The following MICU1 variants were observed in gnomAD, a reference collection of about 807,000 sequenced individuals.
The protein encoded by MICU1 is mitochondrial calcium uptake 1.
In MICU1, 45 loss-of-function variants were observed where a neutral mutation model predicts 56.8. The ratio of observed to expected loss-of-function variants is 0.79; its 90% confidence interval spans 0.62 to 1.02. MICU1 has a LOEUF of 1.02. Among genes scored for constraint, MICU1 ranks in the 50% least tolerant of loss-of-function variants. MICU1 has a pLI of 0.00. For synonymous variants in MICU1, 186 were observed against 195.1 expected, an observed-to-expected ratio of 0.95 and a Z score of 0.39; for missense variants, 504 against 587.1, an observed-to-expected ratio of 0.86 and a Z score of 1.46.
chr10:72,481,380 C>G (rs1474313964), intron 6 of MICU1, among the ~76,000 whole-genome samples: 1 of 152,002 alleles, frequency 6.6e-6, no homozygotes, highest in Non-Finnish European at 1.5e-5. Context: ...TAGAAAGGTT[C>G]TGAAAGAGGA....
intron 3 of MICU1, among the ~76,000 whole-genome samples, chr10:72,553,583 C>T (rs1262399210): frequency 2.6e-5 from 4 of 152,148 alleles, no homozygotes; most frequent in Admixed American, 2.0e-4. Flanking sequence ...CTCTGAACAA[C>T]AACAACAAAA....
At chr10:72,385,678 C>G (rs376976385) in intron 10 of MICU1, among the ~76,000 whole-genome samples, 3 of 152,144 alleles carry the variant, frequency 2.0e-5, no homozygotes, top group African/African-American at 7.2e-5. Flanking sequence ...ACGTGCCCCC[C>G]GCCCAGTATT....
intron 10 of MICU1, among the ~76,000 whole-genome samples, chr10:72,381,852 C>T (rs973008341): frequency 1.3e-5 from 2 of 151,944 alleles, no homozygotes; most frequent in Non-Finnish European, 2.9e-5. Context: ...CACATCTTTT[C>T]CACAAAGGGC....
At chr10:72,465,309 G>GTTT (rs58604429) in intron 8 of MICU1, among the ~76,000 whole-genome samples, 11 of 121,942 alleles carry the variant, frequency 9.0e-5, no homozygotes, top group East Asian at 3.0e-4. Context: ...ATAGTTTTTT[G>GTTT]TTTTTTTTTT....
chr10:72,555,240 A>G (rs1343627978), intron 3 of MICU1, among the ~76,000 whole-genome samples: 1 of 152,192 alleles, frequency 6.6e-6, no homozygotes, highest in Non-Finnish European at 1.5e-5. Context: ...GATCATTTTA[A>G]AATCTTGTGT....
At chr10:72,555,989 A>G (rs1840149468) in intron 3 of MICU1, among the ~76,000 whole-genome samples, 2 of 152,246 alleles carry the variant, frequency 1.3e-5, no homozygotes, top group Admixed American at 1.3e-4. Flanking sequence ...TGCAAGTGAC[A>G]GTAAATCCCT....
At chr10:72,556,333 T>A (rs1840158327) in intron 3 of MICU1, among the ~76,000 whole-genome samples, 1 of 152,180 alleles carries the variant, frequency 6.6e-6, no homozygotes, top group African/African-American at 2.4e-5. Flanking sequence ...TAAATTCCAA[T>A]ATTAACATTC....
At chr10:72,595,412 A>G (rs1393041686) in intron 1 of MICU1, among the ~76,000 whole-genome samples, 2 of 147,704 alleles carry the variant, frequency 1.4e-5, no homozygotes, top group Non-Finnish European at 1.5e-5. Context: ...AGATCGCATC[A>G]CTGCACTCCA....
intron 6 of MICU1, among the ~76,000 whole-genome samples, chr10:72,488,306 A>G (rs1303201088): frequency 2.6e-5 from 4 of 151,984 alleles, no homozygotes; most frequent in Non-Finnish European, 5.9e-5. Context: ...CTTCTGTAAT[A>G]TGGAAAAGAA....
intron 8 of MICU1, among the ~76,000 whole-genome samples, chr10:72,425,633 C>A (rs1425282070): frequency 6.6e-6 from 1 of 152,154 alleles, no homozygotes; most frequent in Non-Finnish European, 1.5e-5. Context: ...CGTATGGCCA[C>A]TTCGACGCTT....
At chr10:72,440,339 T>C (rs1303277160) in intron 8 of MICU1, among the ~76,000 whole-genome samples, 1 of 152,206 alleles carries the variant, frequency 6.6e-6, no homozygotes, top group African/African-American at 2.4e-5. Flanking sequence ...GAAAACTGGC[T>C]AGCCATATGT....
chr10:72,417,047 G>A (rs1864004265), intron 9 of MICU1, among the ~76,000 whole-genome samples: 2 of 152,194 alleles, frequency 1.3e-5, no homozygotes, highest in Admixed American at 6.6e-5. Flanking sequence ...TTAGAAGACT[G>A]CTTGGCACAT....
At chr10:72,472,071 A>C (rs554503040) in intron 8 of MICU1, among the ~76,000 whole-genome samples, 1 of 152,302 alleles carries the variant, frequency 6.6e-6, no homozygotes, top group African/African-American at 2.4e-5. Context: ...TAATGTTACC[A>C]TTTCCAAATA....
intron 4 of MICU1, among the ~76,000 whole-genome samples, chr10:72,535,031 T>TTTTATTTATTTTATTTTA (rs1839596910): frequency 7.0e-6 from 1 of 143,426 alleles, no homozygotes; most frequent in African/African-American, 2.7e-5. Flanking sequence ...TTTTATTTTA[T>TTTTATTTATTTTATTTTA]TTTATTTATT....
chr10:72,588,376 A>G (rs1364271183), intron 1 of MICU1, among the ~76,000 whole-genome samples: 2 of 151,934 alleles, frequency 1.3e-5, no homozygotes, highest in South Asian at 4.1e-4. Context: ...TGTCTCAACT[A>G]AGAATCTATG....
chr10:72,473,572 C>T (rs1357130630), intron 8 of MICU1, among the ~76,000 whole-genome samples: 3 of 152,156 alleles, frequency 2.0e-5, no homozygotes, highest in African/African-American at 7.2e-5. Flanking sequence ...CACACTCACA[C>T]ACACCCACTC....
intron 3 of MICU1, among the ~76,000 whole-genome samples, chr10:72,560,819 T>C (rs7094080): frequency 0.033 from 4,969 of 152,136 alleles, 281 homozygotes; most frequent in African/African-American, 0.11. Context: ...GCAGTGAGCC[T>C]AGATCACACC....
intron 11 of MICU1, among the ~76,000 whole-genome samples, chr10:72,371,489 T>G (rs1862339508): frequency 6.6e-6 from 1 of 151,264 alleles, no homozygotes; most frequent in Non-Finnish European, 1.5e-5. Flanking sequence ...ACGCCTGTAA[T>G]CCCAGCACTT....
chr10:72,399,220 C>T (rs1863367273), intron 10 of MICU1, among the ~76,000 whole-genome samples: 1 of 151,912 alleles, frequency 6.6e-6, no homozygotes, highest in African/African-American at 2.4e-5. Context: ...GGACAGAAAA[C>T]CAAACACCGC....
Sources: allele counts gnomAD v4.1 joint callset (sites outside exome capture counted in the v4.1 genomes callset), GRCh38; gene constraint gnomAD v4.1.1; transcripts MANE v1.5; gene names NCBI Gene and HGNC (gene_info 2026-07-23, HGNC 2026-07-21).